BMF: variants seen among roughly 807,000 people sequenced by gnomAD.
BMF encodes the protein Bcl2 modifying factor.
BMF carries 10 observed loss-of-function variants against 22.0 expected under a neutral mutation model. The ratio of observed to expected loss-of-function variants is 0.45; its 90% CI spans 0.28 to 0.77. BMF has a LOEUF of 0.77. Ranked by LOEUF, BMF falls within the 30% of genes least tolerant of loss-of-function variation. BMF has a pLI of 0.13. For synonymous variants in BMF, 87 were observed against 88.1 expected, an observed-to-expected ratio of 0.99 and a Z score of 0.07; for missense variants, 206 against 226.8, an observed-to-expected ratio of 0.91 and a Z score of 0.59.
At position 40,089,707 on chromosome 15, in the gene BMF, C is replaced by T. The variant is rs1002629911; in HGVS notation, c.*2080G>A. On this transcript the variant is annotated 3_prime_UTR_variant, in exon 5 of 5. Coordinates refer to ENST00000354670, the MANE Select transcript of BMF (RefSeq NM_001003940.2). ...GAATAGTGGCTGCTGTAAATAATCCCGGTTTTTTGGTGTGTGCCACTGAAG... is the reference window on the plus strand; with the variant it reads ...GAATAGTGGCTGCTGTAAATAATCCTGGTTTTTTGGTGTGTGCCACTGAAG... 2.0e-5 allele frequency: 3 copies of T among 152,264 alleles called. No individual in the cohort carries two copies. Among genetic ancestry groups the T allele is most frequent in the Non-Finnish European group, 4.4e-5 (3 of 68,056 alleles). The allele number at this position is 152,264 out of a possible 1,614,324, so 9.4% of individuals were successfully genotyped here. A position where few individuals can be genotyped will look rare whatever the true frequency, so the allele number is the denominator to read the frequency against.
intron 4 of BMF, among the ~76,000 whole-genome samples, chr15:40,100,201 G>T (rs1454396992): frequency 6.6e-6 from 1 of 152,224 alleles, no homozygotes; most frequent in Non-Finnish European, 1.5e-5. Flanking sequence ...CCCAAGGGGA[G>T]GGGATACCAC....
chr15:40,102,672 A>G (rs1472989408), intron 4 of BMF, among the ~76,000 whole-genome samples: 2 of 152,186 alleles, frequency 1.3e-5, no homozygotes, highest in Non-Finnish European at 2.9e-5. Flanking sequence ...GATGAGTCTA[A>G]AAGAGCCACA....
intron 4 of BMF, among the ~76,000 whole-genome samples, chr15:40,103,445 C>T (rs1567035028): frequency 6.6e-6 from 1 of 152,240 alleles, no homozygotes; most frequent in Non-Finnish European, 1.5e-5. Context: ...AAGGCAGCCT[C>T]CAGGCCATGG....
At chr15:40,097,154 C>G (rs2036378842) in intron 4 of BMF, among the ~76,000 whole-genome samples, 1 of 137,104 alleles carries the variant, frequency 7.3e-6, no homozygotes, top group Admixed American at 7.5e-5. Context: ...TAATGAAGCA[C>G]CCAACTGAGC....
At position 40,090,075 on chromosome 15, in the gene BMF, A is replaced by G. The variant is rs969446351; in HGVS notation, c.*1712T>C. The G allele has an allele frequency of 6.6e-6, 1 of 152,516 alleles. No individual in the cohort carries two copies. Among genetic ancestry groups the G allele is most frequent in the African/African-American group, 2.4e-5 (1 of 41,458 alleles). 9.4% of individuals were successfully genotyped at this position (152,516 alleles called of 1,614,324 possible). On this transcript the variant is annotated 3_prime_UTR_variant, in exon 5 of 5. Transcript: ENST00000354670. The stretch of plus-strand genomic sequence containing the variant: ...TGTGAGCCCATATGGCACCTTTGCA[A>G]ATTAGGAAAGGCACCCCTTCTTCTT...
chr15:40,102,416 C>CAAAAA (rs71132141), intron 4 of BMF, among the ~76,000 whole-genome samples: 2 of 95,838 alleles, frequency 2.1e-5, no homozygotes, highest in Non-Finnish European at 1.9e-5. Context: ...GCGAAAGAGC[C>CAAAAA]AAAAAAAAAA....
chr15:40,093,027 G>GC lies in BMF; in HGVS notation c.454-1140dup, dbSNP rs1446401456. ...TAAACTGTCTTTAACCACAGCACCA[G>GC]CCCCCACCAGGCAACTACTCCTGGT... On this transcript the variant is annotated intron_variant, in intron 4 of 4. Coordinates refer to ENST00000354670, the MANE Select transcript of BMF (RefSeq NM_001003940.2). 8.5e-5 allele frequency among the ~76,000 whole-genome samples: 13 copies of GC among 152,312 alleles called. No individual in the cohort carries two copies. In the South Asian group the frequency reaches 2.7e-3, roughly 32 times the overall value.
chr15:40,105,698 T>TG, intron 3 of BMF, 97 bp downstream of exon 3: 1 of 1,388,174 alleles, frequency 7.2e-7, no homozygotes, highest in Non-Finnish European at 9.7e-7. Flanking sequence ...CTGATCACTT[T>TG]GGGGGAAGGA....
intron 4 of BMF, among the ~76,000 whole-genome samples, chr15:40,099,915 A>G (rs923595459): frequency 6.6e-6 from 1 of 152,138 alleles, no homozygotes; most frequent in Non-Finnish European, 1.5e-5. Flanking sequence ...TATTACAGCT[A>G]AAGATGGTTT....
At chr15:40,098,967 C>T (rs1232208415) in intron 4 of BMF, among the ~76,000 whole-genome samples, 1 of 152,230 alleles carries the variant, frequency 6.6e-6, no homozygotes, top group African/African-American at 2.4e-5. Flanking sequence ...AGAGCAAACA[C>T]AGGGCCCCCA....
rs2036178114 is a variant in BMF, at chr15:40,088,702, G to A, written c.*3085C>T. 6.6e-6 allele frequency: 1 copy of A among 152,350 alleles called. No homozygotes were observed. The highest frequency in any genetic ancestry group is 2.4e-5 in the African/African-American group (1 of 41,458). The allele number at this position is 152,350 out of a possible 1,614,324, so 9.4% of individuals were successfully genotyped here. On this transcript the variant is annotated 3_prime_UTR_variant, in exon 5 of 5. Transcript: ENST00000354670. Reference sequence around the variant, plus strand: ...GAGACAGGTCAGCTGGGCCCCTCTGGGTCCTTCAAACAAGCCTGCCACATA... The same window carrying A: ...GAGACAGGTCAGCTGGGCCCCTCTGAGTCCTTCAAACAAGCCTGCCACATA...
At chr15:40,102,908 C>T (rs190415170) in intron 4 of BMF, among the ~76,000 whole-genome samples, 11 of 152,322 alleles carry the variant, frequency 7.2e-5, no homozygotes, top group Admixed American at 2.6e-4. Flanking sequence ...GATCTATTAT[C>T]TAAGCATAGG....
chr15:40,099,605 C>CA (rs1293992138), intron 4 of BMF, among the ~76,000 whole-genome samples: 2 of 151,848 alleles, frequency 1.3e-5, no homozygotes, highest in Non-Finnish European at 2.9e-5. Flanking sequence ...ATGGAGAAAC[C>CA]CCGTCTCTAC....
At chr15:40,104,484 C>G (rs2036544493) in intron 3 of BMF, 144 bp from the exon 4 acceptor site, 1 of 1,049,250 alleles carries the variant, frequency 9.5e-7, no homozygotes, top group Non-Finnish European at 1.4e-6. Flanking sequence ...TATTGGAGCA[C>G]TCTGCCAAGC....
chr15:40,104,610 G>A (rs908336418), intron 3 of BMF, among the ~76,000 whole-genome samples: 1 of 152,184 alleles, frequency 6.6e-6, no homozygotes, highest in Non-Finnish European at 1.5e-5. Context: ...GTGGTAACGT[G>A]TGCAGGCGAA....
intron 4 of BMF, among the ~76,000 whole-genome samples, chr15:40,100,787 T>C (rs897263925): frequency 6.6e-6 from 1 of 152,158 alleles, no homozygotes; most frequent in Admixed American, 6.5e-5. Context: ...TACACTCAAT[T>C]GGGATTTCAT....
chr15:40,089,657 A>C lies in BMF; in HGVS notation c.*2130T>G, dbSNP rs994135850. ...AATCATTTTCTCTCTCACTGAACTC[A>C]GGTGGAGAGTCTGCCAAAAGGGGTG... On this transcript the variant is annotated 3_prime_UTR_variant, in exon 5 of 5. Coordinates refer to ENST00000354670, the MANE Select transcript of BMF (RefSeq NM_001003940.2). The C allele has an allele frequency of 6.6e-6, 1 of 152,256 alleles. No homozygotes were observed. Among genetic ancestry groups the C allele is most frequent in the Admixed American group, 6.5e-5 (1 of 15,280 alleles). The allele number at this position is 152,256 out of a possible 1,614,324, so 9.4% of individuals were successfully genotyped here.
intron 3 of BMF, among the ~76,000 whole-genome samples, chr15:40,105,512 T>C (rs2036568213): frequency 6.6e-6 from 1 of 152,186 alleles, no homozygotes; most frequent in African/African-American, 2.4e-5. Context: ...GGCAAGTCAC[T>C]GCTAGGACAC....
At chr15:40,104,073 T>C in intron 4 of BMF, 107 bp downstream of exon 4, 1 of 1,444,986 alleles carries the variant, frequency 6.9e-7, no homozygotes, top group Non-Finnish European at 9.6e-7. Flanking sequence ...TGGGACAATA[T>C]CCTTGAGGTC....
Sources: gnomAD v4.1 joint callset for allele counts (sites outside exome capture counted in the v4.1 genomes callset) on GRCh38, gnomAD v4.1.1 for gene constraint, MANE v1.5 for transcripts, NCBI Gene and HGNC (gene_info 2026-07-23, HGNC 2026-07-21) for gene names.